Variants in MED27 observed in about 807,000 individuals in gnomAD.
MED27 encodes mediator of RNA polymerase II transcription subunit 27.
In MED27, 30 loss-of-function variants were observed where a neutral mutation model predicts 38.2. The ratio of observed to expected loss-of-function variants is 0.79; its 90% CI spans 0.59 to 1.07. The LOEUF is 1.07. Among genes scored for constraint, MED27 ranks in the 50% least tolerant of loss-of-function variants. The probability of loss-of-function intolerance (pLI) is 0.00; values close to 1 mark genes in which losing one functional copy is unlikely to be tolerated. For synonymous variants in MED27, 122 were observed against 153.5 expected, an observed-to-expected ratio of 0.79 and a Z score of 1.52; for missense variants, 289 against 397.5, an observed-to-expected ratio of 0.73 and a Z score of 2.32.
intron 3 of MED27, among the ~76,000 whole-genome samples, chr9:132,002,225 T>A (rs182076657): frequency 6.6e-6 from 1 of 152,226 alleles, no homozygotes; most frequent in African/African-American, 2.4e-5. Context: ...ACACAAAGAA[T>A]GTCCAGTTCT....
intron 3 of MED27, among the ~76,000 whole-genome samples, chr9:131,952,849 T>A (rs1050366442): frequency 2.0e-5 from 3 of 152,256 alleles, no homozygotes; most frequent in African/African-American, 7.2e-5. Flanking sequence ...TAGTCCCTTA[T>A]GGGTTCCTTA....
chr9:131,922,031 G>T (rs1340073537), intron 4 of MED27, among the ~76,000 whole-genome samples: 1 of 137,944 alleles, frequency 7.2e-6, no homozygotes, highest in Non-Finnish European at 1.6e-5. Context: ...CATGGGGAGG[G>T]GGGAGGGGGA....
At chr9:131,975,663 T>C (rs1831589343) in intron 3 of MED27, among the ~76,000 whole-genome samples, 1 of 152,102 alleles carries the variant, frequency 6.6e-6, no homozygotes, top group Non-Finnish European at 1.5e-5. Flanking sequence ...AGTTAACGGC[T>C]TAGAGAAGCA....
chr9:131,937,506 G>C (rs1411525101), intron 4 of MED27, among the ~76,000 whole-genome samples: 1 of 152,170 alleles, frequency 6.6e-6, no homozygotes, highest in African/African-American at 2.4e-5. Context: ...AGCTCCATGG[G>C]AAAGCAGGCG....
At chr9:131,976,329 G>GT (rs1831607999) in intron 3 of MED27, among the ~76,000 whole-genome samples, 1 of 152,174 alleles carries the variant, frequency 6.6e-6, no homozygotes, top group Non-Finnish European at 1.5e-5. Context: ...GCATACCCCA[G>GT]CAAAATGCTG....
rs78626121 is a variant in MED27 at position 131,909,081 on chromosome 9, A to T, written c.574-15089T>A. Among the ~76,000 whole-genome samples, 312 of 152,232 alleles carry T rather than the reference A, an allele frequency of 2.0e-3. 1 individual carries two copies. Among genetic ancestry groups the T allele is most frequent in the African/African-American group, 7.2e-3 (301 of 41,526 alleles). On this transcript the variant is annotated intron_variant, in intron 4 of 7. Coordinates refer to ENST00000292035, the MANE Select transcript of MED27 (RefSeq NM_004269.4). ...ATTTAGGAATTGATATGATTTGCTG[A>T]TGGAGTGGATATGAGGAGTGAGAAA...
intron 3 of MED27, among the ~76,000 whole-genome samples, chr9:131,989,068 G>A (rs535287541): frequency 7.2e-5 from 11 of 152,226 alleles, no homozygotes; most frequent in Admixed American, 2.6e-4. Context: ...TCTGAAGGAG[G>A]ATCTTCAGAA....
intron 4 of MED27, among the ~76,000 whole-genome samples, chr9:131,925,723 C>G (rs1222429855): frequency 6.6e-6 from 1 of 152,144 alleles, no homozygotes; most frequent in Non-Finnish European, 1.5e-5. Flanking sequence ...GGTGAAGCAT[C>G]CCCTCCAAAA....
At chr9:131,874,226 C>G (rs930251778) in intron 6 of MED27, among the ~76,000 whole-genome samples, 1 of 152,196 alleles carries the variant, frequency 6.6e-6, no homozygotes, top group Non-Finnish European at 1.5e-5. Flanking sequence ...TCAGGCTAAG[C>G]CCTTCTCACC....
intron 3 of MED27, among the ~76,000 whole-genome samples, chr9:131,942,582 T>C (rs1279478167): frequency 6.6e-6 from 1 of 152,226 alleles, no homozygotes; most frequent in Non-Finnish European, 1.5e-5. Context: ...ATAGCCATCA[T>C]AGCTCTGGAC....
chr9:131,981,138 T>A (rs1361667947), intron 3 of MED27, among the ~76,000 whole-genome samples: 1 of 152,216 alleles, frequency 6.6e-6, no homozygotes, highest in Non-Finnish European at 1.5e-5. Flanking sequence ...AATATAAATA[T>A]GATTTCAGAG....
chr9:131,907,344 AGTGCCTGCGACTGCAGGCAC>A (rs1308034290), intron 4 of MED27, among the ~76,000 whole-genome samples: 1 of 150,780 alleles, frequency 6.6e-6, no homozygotes, highest in Non-Finnish European at 1.5e-5. Context: ...TCAGCCTGCG[AGTGCCTGCGACTGCAGGCAC>A]GCGCCGCCAC....
chr9:132,002,205 C>T (rs1832249621), intron 3 of MED27, among the ~76,000 whole-genome samples: 1 of 152,262 alleles, frequency 6.6e-6, no homozygotes, highest in African/African-American at 2.4e-5. Flanking sequence ...CCCCTCACCA[C>T]TGCCTCCAAA....
intron 2 of MED27, among the ~76,000 whole-genome samples, chr9:132,045,651 C>A (rs1437955029): frequency 6.6e-6 from 1 of 152,198 alleles, no homozygotes; most frequent in African/African-American, 2.4e-5. Context: ...AAGGAACTAA[C>A]ACCATGGCAG....
chr9:132,017,600 G>T (rs750767823), intron 2 of MED27, among the ~76,000 whole-genome samples: 2 of 152,164 alleles, frequency 1.3e-5, no homozygotes, highest in Non-Finnish European at 2.9e-5. Flanking sequence ...TGCGGGGAAT[G>T]GGAGTGTTTA....
intron 2 of MED27, among the ~76,000 whole-genome samples, chr9:132,038,027 G>T (rs2131114041): frequency 6.6e-6 from 1 of 151,786 alleles, no homozygotes; most frequent in Admixed American, 6.6e-5. Context: ...GTTACAATTG[G>T]GAGGGTGTAT....
intron 2 of MED27, among the ~76,000 whole-genome samples, chr9:132,041,552 G>C (rs1201977867): frequency 6.6e-6 from 1 of 152,228 alleles, no homozygotes; most frequent in Non-Finnish European, 1.5e-5. Flanking sequence ...CCATCTTCCT[G>C]TCGGGCACTG....
At position 132,077,559 on chromosome 9, in the gene MED27, T is replaced by C. The variant is rs1834080022; in HGVS notation, c.231A>G (p.Val77=). ...GAGGATGGTTCTCAGATGGCTTGCC[T>C]ACCAGATTGCTCAGACGTTCCAGCT... is the stretch of plus-strand genomic sequence containing the variant. ...LNELERLSNL[V]GKPSENHPLH... Residue 77 remains valine, a synonymous_variant, in exon 2 of 8, where the codon GTA becomes GTG. Coordinates refer to ENST00000292035, the MANE Select transcript of MED27 (RefSeq NM_004269.4). 1 of 1,614,028 alleles carries C rather than the reference T, an allele frequency of 6.2e-7. No individual in the cohort carries two copies. Among genetic ancestry groups the C allele is most frequent in the Admixed American group, 1.7e-5 (1 of 59,988 alleles).
rs752273535 is a variant in MED27 at position 131,982,920 on chromosome 9, A to C, written c.479+31417T>G. 1.2e-4 allele frequency among the ~76,000 whole-genome samples: 19 copies of C among 152,198 alleles called. No homozygotes were observed. The highest frequency in any genetic ancestry group is 1.9e-4 in the Non-Finnish European group (13 of 68,032). Reference sequence around the variant, plus strand: ...GCCTTGGTTTGCCAATCACTGCTCTAGTCAATGTTTTTCCAACTGTAATGA... The same window carrying C: ...GCCTTGGTTTGCCAATCACTGCTCTCGTCAATGTTTTTCCAACTGTAATGA... On this transcript the variant is annotated intron_variant, in intron 3 of 7. Transcript: ENST00000292035. This position sits in a 1 kb window ranked among gnomAD's most constrained non-coding sequence, Gnocchi z 4.3.
Sources: allele counts gnomAD v4.1 joint callset (sites outside exome capture counted in the v4.1 genomes callset), GRCh38; gene constraint gnomAD v4.1.1; non-coding constraint Gnocchi (gnomAD v3.1); transcripts MANE v1.5; gene names NCBI Gene and HGNC (gene_info 2026-07-23, HGNC 2026-07-21).